The following TTLL6 variants were observed in gnomAD, a reference collection of about 807,000 sequenced individuals.
TTLL6 encodes tubulin tyrosine ligase like 6, also known as tubulin polyglutamylase TTLL6.
In TTLL6, 75 loss-of-function variants were observed where a neutral mutation model predicts 96.4. The observed-to-expected ratio is 0.78, with a 90% CI of 0.65 to 0.94. The LOEUF (loss-of-function observed/expected upper bound fraction) is 0.94. TTLL6 is among the 40% of genes least tolerant of loss of function. The probability of loss-of-function intolerance (pLI) is 0.00; values close to 1 mark genes in which losing one functional copy is unlikely to be tolerated. For synonymous variants in TTLL6, 411 were observed against 419.4 expected, an observed-to-expected ratio of 0.98 and a Z score of 0.24; for missense variants, 1,030 against 1,093.0, an observed-to-expected ratio of 0.94 and a Z score of 0.81.
At chr17:48,805,014 C>T (rs1184110176) in intron 1 of TTLL6, 23 bp from the exon 2 acceptor site, 1 of 1,536,752 alleles carries the variant, frequency 6.5e-7, no homozygotes, top group Non-Finnish European at 8.8e-7. Flanking sequence ...CAGAGGGAGC[C>T]GCAGTTACAG....
chr17:48,791,523 A>T lies in TTLL6; in HGVS notation c.1079T>A (p.Ile360Asn). The T allele has an allele frequency of 6.2e-7, 1 of 1,614,150 alleles. No homozygotes were observed. Among genetic ancestry groups the T allele is most frequent in the Non-Finnish European group, 8.5e-7 (1 of 1,180,024 alleles). Residue 360 changes from isoleucine to asparagine, a missense_variant, in exon 9 of 16, where the codon ATC becomes AAC. By Grantham distance (149) the Ile-to-Asn change is moderately radical. Coordinates refer to ENST00000393382, the MANE Select transcript of TTLL6 (RefSeq NM_001130918.3). Reference sequence around the variant, plus strand: ...GTGGGCCGAGATGAGGGTCTTGATGATGACGTCCTCAATATCCCTCCATAT... The same window carrying T: ...GTGGGCCGAGATGAGGGTCTTGATGTTGACGTCCTCAATATCCCTCCATAT... ...EQIWRDIEDV[I>N]IKTLISAHPI... is the part of the protein sequence containing the mutation.
At position 48,798,025 on chromosome 17, in the gene TTLL6, T is replaced by C. The variant is rs187865462; in HGVS notation, c.769-821A>G. Among the ~76,000 whole-genome samples, 545 of 151,850 alleles carry C rather than the reference T, an allele frequency of 3.6e-3. 10 individuals carry two copies. The highest frequency in any genetic ancestry group is 3.3e-3 in the Non-Finnish European group (225 of 67,896). ...CAGGAGGCTGAGGTGGAAGGATTGC[T>C]CAAGCCTAGGAGGTCGAGGCTGCAG... On this transcript the variant is annotated intron_variant, in intron 6 of 15. Coordinates refer to ENST00000393382, the MANE Select transcript of TTLL6 (RefSeq NM_001130918.3).
chr17:48,791,638 C>T, intron 8 of TTLL6, 35 bp from the exon 9 acceptor site: 1 of 1,560,096 alleles, frequency 6.4e-7, no homozygotes, highest in African/African-American at 1.4e-5. Context: ...GGCAGTGTAG[C>T]TGGCTTCTGG....
chr17:48,794,902 G>A (rs528549071), intron 8 of TTLL6, among the ~76,000 whole-genome samples: 4 of 152,292 alleles, frequency 2.6e-5, no homozygotes, highest in East Asian at 1.9e-4. Flanking sequence ...TCACAGCTGC[G>A]GGACCTGGGG....
At chr17:48,775,419 A>C (rs1363092882) in intron 13 of TTLL6, among the ~76,000 whole-genome samples, 1 of 151,830 alleles carries the variant, frequency 6.6e-6, no homozygotes, top group African/African-American at 2.4e-5. Context: ...ATATTGAAAA[A>C]TCAATCAGTG....
chr17:48,774,965 T>A (rs1196642644), intron 13 of TTLL6, among the ~76,000 whole-genome samples: 12 of 151,962 alleles, frequency 7.9e-5, no homozygotes. Flanking sequence ...AAACCCCACC[T>A]CTACTAAAAA....
intron 13 of TTLL6, among the ~76,000 whole-genome samples, chr17:48,774,298 G>A (rs62065409): frequency 0.068 from 9,800 of 144,534 alleles, 456 homozygotes; most frequent in Non-Finnish European, 0.11. Flanking sequence ...GCAGTGGCTG[G>A]GACTACAGGC....
At chr17:48,816,764 G>C (rs1470344059) in intron 1 of TTLL6, among the ~76,000 whole-genome samples, 1 of 152,164 alleles carries the variant, frequency 6.6e-6, no homozygotes, top group African/African-American at 2.4e-5. Flanking sequence ...GTTAATAAGA[G>C]GGACTGAGAA....
rs867990210 is a variant in TTLL6, at chr17:48,816,972, G to A, written c.101C>T (p.Ala34Val). 1 of 1,531,962 alleles carries A rather than the reference G, an allele frequency of 6.5e-7. No individual in the cohort carries two copies. Among genetic ancestry groups the A allele is most frequent in the East Asian group, 2.5e-5 (1 of 39,394 alleles). 94.9% of individuals were successfully genotyped at this position (1,531,962 alleles called of 1,614,324 possible). A position where few individuals can be genotyped will look rare whatever the true frequency, so the allele number is the denominator to read the frequency against. Residue 34 changes from alanine (A) to valine (V), a missense_variant and splice_region_variant, in exon 1 of 16, where the codon GCG becomes GTG. Physicochemically the swap from Ala to Val is moderately conservative, Grantham distance 64 (BLOSUM62 0). Transcript: ENST00000393382. ...ACCGGGCTTTGGGGCGCTCTTACCC[G>A]CAATTCCTACTCCCCCGTCTCGCCC... ...PAGRDGGVGI[A>V]GAWYFPRASS...
intron 15 of TTLL6, among the ~76,000 whole-genome samples, chr17:48,766,721 G>A (rs760142172): frequency 1.4e-4 from 21 of 152,070 alleles, no homozygotes; most frequent in South Asian, 6.2e-4. Context: ...AAAATTGTCC[G>A]GGCATGGAGG....
intron 10 of TTLL6, among the ~76,000 whole-genome samples, chr17:48,788,549 C>T (rs2039153800): frequency 1.3e-5 from 2 of 152,144 alleles, no homozygotes; most frequent in African/African-American, 4.8e-5. Context: ...GAGACTGATT[C>T]GGAGAAGGCC....
intron 7 of TTLL6, 35 bp from the exon 8 acceptor site, chr17:48,796,181 C>A (rs1373445581): frequency 3.3e-6 from 5 of 1,523,254 alleles, no homozygotes; most frequent in Admixed American, 2.0e-5. Context: ...CGGGTCAGCT[C>A]GGAAGGGCAG....
At position 48,784,938 on chromosome 17, in the gene TTLL6, T is replaced by G. The variant is rs1321803241; in HGVS notation, c.2025A>C (p.Val675=). ...CACTACTTACCACAGTGCCAGTGAA[T>G]ACGTTCACTGCAGAGGCAGACTTGG... is the stretch of plus-strand genomic sequence containing the variant. ...KEAKSASAVN[V]FTGTVHLTSV... The change falls in exon 13 of 16, where the codon GTA becomes GTC. Residue 675 remains valine (V), a synonymous_variant. Coordinates refer to ENST00000393382, the MANE Select transcript of TTLL6 (RefSeq NM_001130918.3). 1.2e-6 allele frequency: 2 copies of G among 1,613,310 alleles called. No individual in the cohort carries two copies. Among genetic ancestry groups the G allele is most frequent in the African/African-American group, 2.7e-5 (2 of 74,918 alleles).
chr17:48,769,634 C>G, intron 14 of TTLL6, 94 bp downstream of exon 14: 1 of 1,482,870 alleles, frequency 6.7e-7, no homozygotes, highest in South Asian at 1.3e-5. Flanking sequence ...GTCCCCCCTC[C>G]AAAGACTGGG....
At position 48,791,389 on chromosome 17, in the gene TTLL6, AG is replaced by A; in HGVS notation, c.1212del (p.Trp405GlyfsTer21). ...CCAAACTTCCCTACCTCCAGCAGCC[AG>A]GGTTTGAGTTTGTGGTCCAACAAAA... ...FDILLDHKLK[P>X]WLLEVNHSPS... On this transcript the variant is annotated frameshift_variant, in exon 9 of 16. Transcript: ENST00000393382. LOFTEE classifies it high-confidence loss of function. 1 of 1,614,092 alleles carries A rather than the reference AG, an allele frequency of 6.2e-7. No individual in the cohort carries two copies. The highest frequency in any genetic ancestry group is 2.2e-5 in the East Asian group (1 of 44,882).
At chr17:48,765,489 C>G (rs1407417661) in intron 15 of TTLL6, 1 of 152,182 alleles carries the variant, frequency 6.6e-6, no homozygotes. Flanking sequence ...GTGCTGGCGC[C>G]TTTATAGTCG....
intron 13 of TTLL6, among the ~76,000 whole-genome samples, chr17:48,778,353 A>G (rs2038922384): frequency 6.6e-6 from 1 of 151,892 alleles, no homozygotes; most frequent in South Asian, 2.1e-4. Context: ...GGAAGGAAGG[A>G]AGAGCTATAC....
chr17:48,798,069 C>A (rs2039349949), intron 6 of TTLL6, among the ~76,000 whole-genome samples: 1 of 152,032 alleles, frequency 6.6e-6, no homozygotes, highest in Admixed American at 6.6e-5. Flanking sequence ...GATCACACCG[C>A]TGCACTCCAG....
At chr17:48,765,746 T>A (rs2038591251) in intron 15 of TTLL6, 1 of 152,548 alleles carries the variant, frequency 6.6e-6, no homozygotes, top group Non-Finnish European at 1.5e-5. Context: ...AGATACTTGA[T>A]CAGGGTAGCG....
Sources: gnomAD v4.1 joint callset for allele counts (sites outside exome capture counted in the v4.1 genomes callset) on GRCh38, gnomAD v4.1.1 for gene constraint, MANE v1.5 for transcripts, NCBI Gene and HGNC (gene_info 2026-07-23, HGNC 2026-07-21) for gene names.